ROR1: variants seen among roughly 807,000 people sequenced by gnomAD.
ROR1 encodes inactive tyrosine-protein kinase transmembrane receptor ROR1.
ROR1 carries 19 observed loss-of-function variants against 78.8 expected under a neutral mutation model. The ratio of observed to expected loss-of-function variants is 0.24; its 90% confidence interval spans 0.17 to 0.35. The LOEUF (loss-of-function observed/expected upper bound fraction) is 0.35, where lower values mean the gene tolerates loss of function less well. ROR1 is among the 10% of genes least tolerant of loss of function. The pLI is 1.00. For missense variants in ROR1, 917 were observed against 1,177.8 expected, an observed-to-expected ratio of 0.78 and a Z score of 3.24; for synonymous variants, 386 against 433.6, an observed-to-expected ratio of 0.89 and a Z score of 1.36.
intron 8 of ROR1, among the ~76,000 whole-genome samples, chr1:64,175,616 G>A (rs1267248955): frequency 1.3e-5 from 2 of 152,122 alleles, no homozygotes; most frequent in Admixed American, 1.3e-4. Flanking sequence ...CTGCTTTGAT[G>A]AACAAATAAG....
chr1:63,890,431 A>T (rs1233229917), intron 1 of ROR1, among the ~76,000 whole-genome samples: 2 of 150,362 alleles, frequency 1.3e-5, no homozygotes, highest in Admixed American at 1.3e-4. Flanking sequence ...ATAAAATTCC[A>T]TACTAGATAT....
chr1:64,134,436 T>C (rs952141307), intron 4 of ROR1, among the ~76,000 whole-genome samples: 4 of 152,198 alleles, frequency 2.6e-5, no homozygotes, highest in African/African-American at 7.2e-5. Flanking sequence ...CACCACAGAC[T>C]GACTTTGTGA....
At chr1:63,989,599 C>A (rs1398354421) in intron 1 of ROR1, among the ~76,000 whole-genome samples, 2 of 152,132 alleles carry the variant, frequency 1.3e-5, no homozygotes, top group Non-Finnish European at 2.9e-5. Flanking sequence ...TAAATAATAT[C>A]CCCCTCCCAC....
intron 1 of ROR1, among the ~76,000 whole-genome samples, chr1:63,820,418 C>G (rs1258566276): frequency 6.6e-6 from 1 of 152,156 alleles, no homozygotes; most frequent in Non-Finnish European, 1.5e-5. Context: ...AGAAGGCTTT[C>G]ATTGTTTGTT....
At chr1:64,016,733 T>TTTTATATA (rs1553151714) in intron 2 of ROR1, among the ~76,000 whole-genome samples, 1 of 140,582 alleles carries the variant, frequency 7.1e-6, no homozygotes, top group African/African-American at 2.6e-5. Context: ...TAAAATATAA[T>TTTTATATA]TATATATATA....
At chr1:63,834,727 G>A (rs932406170) in intron 1 of ROR1, among the ~76,000 whole-genome samples, 1 of 152,120 alleles carries the variant, frequency 6.6e-6, no homozygotes, top group East Asian at 1.9e-4. Context: ...CTTTCCATGT[G>A]GGAGCTCTTG....
At chr1:64,060,111 C>A (rs1646905801) in intron 4 of ROR1, among the ~76,000 whole-genome samples, 1 of 151,882 alleles carries the variant, frequency 6.6e-6, no homozygotes, top group Non-Finnish European at 1.5e-5. Context: ...TTCTTTCTTT[C>A]TTTCTTTTCT....
rs550476067 is a variant in ROR1, at chr1:64,143,005, A to T, written c.1174+355A>T. 73 of 1,096,816 alleles carry T rather than the reference A, an allele frequency of 6.7e-5. No individual in the cohort carries two copies. The African/African-American group carries it at 1.1e-3, about 17-fold the overall frequency. The allele number at this position is 1,096,816 out of a possible 1,614,324, so 67.9% of individuals were successfully genotyped here. A position where few individuals can be genotyped will look rare whatever the true frequency, so the allele number is the denominator to read the frequency against. On this transcript the variant is annotated intron_variant, in intron 7 of 8. Transcript: ENST00000371079. ...AGTGGACCTTTTCAGCAAAAAAAGG[A>T]ATATTGGAAGCAGGAAGAAATTGTT...
intron 1 of ROR1, among the ~76,000 whole-genome samples, chr1:63,924,660 G>C (rs1422301037): frequency 6.6e-6 from 1 of 152,194 alleles, no homozygotes; most frequent in Non-Finnish European, 1.5e-5. Flanking sequence ...AACCATGAAA[G>C]ACCTGGCTCT....
chr1:63,955,340 G>A (rs928276620), intron 1 of ROR1, among the ~76,000 whole-genome samples: 1 of 151,896 alleles, frequency 6.6e-6, no homozygotes, highest in Non-Finnish European at 1.5e-5. Flanking sequence ...TTTTTCTTTG[G>A]CAGTTTTTTT....
chr1:64,121,678 T>C (rs1484193144), intron 4 of ROR1, among the ~76,000 whole-genome samples: 1 of 152,070 alleles, frequency 6.6e-6, no homozygotes. Context: ...GTTTTTATAT[T>C]ATCCACAGAG....
At chr1:63,947,237 G>A (rs1034874634) in intron 1 of ROR1, among the ~76,000 whole-genome samples, 9 of 152,168 alleles carry the variant, frequency 5.9e-5, no homozygotes, top group Admixed American at 1.3e-4. Context: ...AGCCCAACTT[G>A]TTAATCATCG....
At chr1:63,861,160 G>A (rs1645179481) in intron 1 of ROR1, among the ~76,000 whole-genome samples, 1 of 152,122 alleles carries the variant, frequency 6.6e-6, no homozygotes, top group African/African-American at 2.4e-5. Flanking sequence ...GGAGGAATCC[G>A]GGACTGTTGA....
intron 7 of ROR1, among the ~76,000 whole-genome samples, chr1:64,153,643 A>G (rs985626732): frequency 6.6e-5 from 10 of 152,176 alleles, no homozygotes; most frequent in Non-Finnish European, 1.5e-4. Context: ...AGTAAAATAC[A>G]CCAGTCACAG....
At chr1:63,831,521 A>G (rs896768602) in intron 1 of ROR1, among the ~76,000 whole-genome samples, 3 of 152,188 alleles carry the variant, frequency 2.0e-5, no homozygotes, top group Admixed American at 6.5e-5. Context: ...CCTTTTAGCC[A>G]TGGCTGGAAC....
intron 7 of ROR1, among the ~76,000 whole-genome samples, chr1:64,158,200 AC>A (rs140998276): frequency 0.011 from 1,705 of 152,352 alleles, 37 homozygotes; most frequent in African/African-American, 0.039. Flanking sequence ...TCAAAAATAT[AC>A]TTCAAAGTGT....
At chr1:64,032,573 C>T (rs751069199) in intron 2 of ROR1, among the ~76,000 whole-genome samples, 3 of 152,132 alleles carry the variant, frequency 2.0e-5, no homozygotes, top group South Asian at 2.1e-4. Flanking sequence ...TACTTTGTGG[C>T]AGAGGTGGGA....
At position 64,181,190 on chromosome 1, in the gene ROR1, A is replaced by G. The variant is rs1434732817; in HGVS notation, c.*2335A>G. ...AGTGAAAATATATCTTTGCATTTTT[A>G]TATCTGGTCTGTTTTTCTTGTTTCC... is the stretch of plus-strand genomic sequence containing the variant. On this transcript the variant is annotated 3_prime_UTR_variant, in exon 9 of 9. Transcript: ENST00000371079. 6.6e-6 allele frequency: 1 copy of G among 152,010 alleles called. No homozygotes were observed. Among genetic ancestry groups the G allele is most frequent in the Non-Finnish European group, 1.5e-5 (1 of 67,944 alleles). The allele number at this position is 152,010 out of a possible 1,614,324, so 9.4% of individuals were successfully genotyped here. A position where few individuals can be genotyped will look rare whatever the true frequency, so the allele number is the denominator to read the frequency against.
intron 2 of ROR1, among the ~76,000 whole-genome samples, chr1:64,045,877 T>C (rs553563544): frequency 6.6e-6 from 1 of 152,276 alleles, no homozygotes; most frequent in East Asian, 1.9e-4. Context: ...AGCCAGACTA[T>C]ACCCTACCTC....
Sources: allele counts gnomAD v4.1 joint callset (sites outside exome capture counted in the v4.1 genomes callset), GRCh38; gene constraint gnomAD v4.1.1; transcripts MANE v1.5; gene names NCBI Gene and HGNC (gene_info 2026-07-23, HGNC 2026-07-21).